Variants in XRRA1 observed in about 807,000 individuals in gnomAD.
XRRA1 encodes X-ray radiation resistance-associated protein 1.
In XRRA1, 69 loss-of-function variants were observed where a neutral mutation model predicts 80.2. That is an observed-to-expected ratio of 0.86 (90% CI 0.71 to 1.05). XRRA1 has a LOEUF of 1.05. Among genes scored for constraint, XRRA1 ranks in the 50% least tolerant of loss-of-function variants. The pLI, the probability that XRRA1 is intolerant of heterozygous loss-of-function variation, is 0.00. For missense variants in XRRA1, 967 were observed against 976.4 expected, an observed-to-expected ratio of 0.99 and a Z score of 0.13; for synonymous variants, 348 against 389.9, an observed-to-expected ratio of 0.89 and a Z score of 1.27.
In XRRA1 at chr11:74,851,211, C is replaced by T. The variant is rs914761117; in HGVS notation, c.1265-8G>A. 1.1e-5 allele frequency: 18 copies of T among 1,595,454 alleles called. No individual in the cohort carries two copies. Among genetic ancestry groups the T allele is most frequent in the Non-Finnish European group, 1.5e-5 (18 of 1,171,156 alleles). On this transcript the variant is annotated splice_region_variant and splice_polypyrimidine_tract_variant and intron_variant, in intron 13 of 18. Coordinates refer to ENST00000684022, the MANE Select transcript of XRRA1 (RefSeq NM_001378157.1). ...TCAGCAGTGGAGGGACCCCTGGTGC[C>T]ATGATGGGAAAATAAGATTACTATT...
At chr11:74,894,471 C>T (rs1029880277) in intron 10 of XRRA1, among the ~76,000 whole-genome samples, 1 of 152,192 alleles carries the variant, frequency 6.6e-6, no homozygotes, top group African/African-American at 2.4e-5. Context: ...AAAATTGACT[C>T]ACAGTTCTGT....
In XRRA1 at chr11:74,843,218, G is replaced by A. The variant is rs1440160555; in HGVS notation, c.2385C>T (p.Ala795=). 6 of 1,558,074 alleles carry A rather than the reference G, an allele frequency of 3.9e-6. No individual in the cohort carries two copies. Among genetic ancestry groups the A allele is most frequent in the Non-Finnish European group, 4.3e-6 (5 of 1,150,992 alleles). Reference sequence around the variant, plus strand: ...CACAGCTCTAGCCTTGTGAGTCACTGGCTGTGGGCTCCTGGCAGAACTCAT... The same window carrying A: ...CACAGCTCTAGCCTTGTGAGTCACTAGCTGTGGGCTCCTGGCAGAACTCAT... ...FMDEFCQEPT[A]SDSQG Residue 795 remains alanine, a synonymous_variant, in exon 19 of 19, where the codon GCC becomes GCT. Transcript: ENST00000684022.
intron 10 of XRRA1, among the ~76,000 whole-genome samples, chr11:74,897,165 C>G (rs2052520016): frequency 6.6e-6 from 1 of 151,904 alleles, no homozygotes; most frequent in South Asian, 2.1e-4. Context: ...ATAAATTTAA[C>G]AAACAGATCG....
chr11:74,947,178 G>C (rs1947748465), intron 1 of XRRA1, among the ~76,000 whole-genome samples: 1 of 152,220 alleles, frequency 6.6e-6, no homozygotes, highest in South Asian at 2.1e-4. Context: ...GAAAGAAGAA[G>C]CAAGTATCAG....
intron 5 of XRRA1, among the ~76,000 whole-genome samples, chr11:74,930,691 T>C (rs1293919494): frequency 2.0e-5 from 3 of 152,208 alleles, no homozygotes; most frequent in Non-Finnish European, 4.4e-5. Flanking sequence ...AAGAAAATAT[T>C]ATATAGGGTG....
At chr11:74,904,586 A>G (rs2054190275) in intron 10 of XRRA1, among the ~76,000 whole-genome samples, 1 of 152,140 alleles carries the variant, frequency 6.6e-6, no homozygotes, top group Admixed American at 6.5e-5. Context: ...AAGAAAAAAA[A>G]GAAAAAGCAT....
intron 10 of XRRA1, among the ~76,000 whole-genome samples, chr11:74,898,230 A>G (rs922612561): frequency 3.9e-5 from 6 of 152,202 alleles, no homozygotes; most frequent in Non-Finnish European, 7.4e-5. Context: ...AGTATTTGCA[A>G]GCCTTATGGC....
At chr11:74,908,891 C>T (rs2055230321) in intron 8 of XRRA1, among the ~76,000 whole-genome samples, 1 of 152,120 alleles carries the variant, frequency 6.6e-6, no homozygotes, top group Non-Finnish European at 1.5e-5. Context: ...CCATGTTTCC[C>T]ATCATGAGGT....
In XRRA1 at chr11:74,949,032, C is replaced by T. The variant is rs998064134; in HGVS notation, c.-177G>A. ...CCCCGGGGATCTCGGAGCCGCTCCACTGCGGTGCCTGCCGCTATCTTCCCC... is the reference window on the plus strand; with the variant it reads ...CCCCGGGGATCTCGGAGCCGCTCCATTGCGGTGCCTGCCGCTATCTTCCCC... On this transcript the variant is annotated 5_prime_UTR_variant, in exon 1 of 19. It adds an upstream start codon to the 5' untranslated region. Transcript: ENST00000684022. 11 of 375,186 alleles carry T rather than the reference C, an allele frequency of 2.9e-5. No individual in the cohort carries two copies. The highest frequency in any genetic ancestry group is 5.4e-5 in the Non-Finnish European group (11 of 204,072). 23.2% of individuals were successfully genotyped at this position (375,186 alleles called of 1,614,324 possible).
chr11:74,879,715 G>A (rs2047009723), intron 10 of XRRA1, among the ~76,000 whole-genome samples: 1 of 148,934 alleles, frequency 6.7e-6, no homozygotes, highest in South Asian at 2.2e-4. Flanking sequence ...TGCATCTGTT[G>A]AGATAATCAT....
At chr11:74,848,534 A>G in intron 14 of XRRA1, 72 bp from the exon 15 acceptor site, 1 of 1,386,296 alleles carries the variant, frequency 7.2e-7, no homozygotes, top group Non-Finnish European at 9.8e-7. Flanking sequence ...TCACTAGCCT[A>G]AGGCCACTTG....
intron 10 of XRRA1, among the ~76,000 whole-genome samples, chr11:74,890,123 T>A (rs1353492042): frequency 6.6e-6 from 1 of 152,186 alleles, no homozygotes; most frequent in Non-Finnish European, 1.5e-5. Flanking sequence ...ACACCACACT[T>A]ATTTCAAAAT....
chr11:74,907,253 A>G lies in XRRA1; in HGVS notation c.677T>C (p.Leu226Pro). 1.2e-6 allele frequency: 2 copies of G among 1,613,932 alleles called. No individual in the cohort carries two copies. The highest frequency in any genetic ancestry group is 1.7e-6 in the Non-Finnish European group (2 of 1,179,858). The change falls in exon 9 of 19, where the codon CTG becomes CCG. Residue 226 changes from leucine (L) to proline (P), a missense_variant. Physicochemically the swap from Leu to Pro is moderately conservative, Grantham distance 98. Coordinates refer to ENST00000684022, the MANE Select transcript of XRRA1 (RefSeq NM_001378157.1). ...VAEQEASVTSLTSKRYILRFP... is the reference protein window; with the variant it reads ...VAEQEASVTSPTSKRYILRFP... Reference sequence around the variant, plus strand: ...CCTCAGGATGTACCTCTTGCTTGTCAGCGATGTTACAGATGCCTCCCTGTG... The same window carrying G: ...CCTCAGGATGTACCTCTTGCTTGTCGGCGATGTTACAGATGCCTCCCTGTG...
chr11:74,906,570 G>C (rs2054650784), intron 9 of XRRA1, 114 bp from the exon 10 acceptor site: 1 of 1,188,510 alleles, frequency 8.4e-7, no homozygotes, highest in Non-Finnish European at 1.2e-6. Flanking sequence ...TATTCCTCTT[G>C]TGTGACGTTG....
intron 4 of XRRA1, among the ~76,000 whole-genome samples, chr11:74,935,656 G>A (rs1305913131): frequency 6.6e-6 from 1 of 152,184 alleles, no homozygotes; most frequent in African/African-American, 2.4e-5. Context: ...CCAACAGAGA[G>A]AGTAAAGTAG....
intron 12 of XRRA1, among the ~76,000 whole-genome samples, chr11:74,854,264 G>C (rs79535845): frequency 0.048 from 7,319 of 152,248 alleles, 293 homozygotes; most frequent in South Asian, 0.2. Flanking sequence ...TTGAGTCACT[G>C]TTCATGGGCC....
At chr11:74,874,233 CAAAAAAAAAAAAAAAA>C (rs367875228) in intron 10 of XRRA1, among the ~76,000 whole-genome samples, 9 of 48,292 alleles carry the variant, frequency 1.9e-4, no homozygotes, top group East Asian at 1.3e-3. Flanking sequence ...GACTCCGTCT[CAAAAAAAAAAAAAAAA>C]AAAAAAAAAA....
At chr11:74,946,007 G>A (rs1591689524) in intron 1 of XRRA1, among the ~76,000 whole-genome samples, 5 of 151,808 alleles carry the variant, frequency 3.3e-5, no homozygotes, top group Admixed American at 2.6e-4. Flanking sequence ...CTGTTACCCA[G>A]GCTGGAGTGC....
intron 4 of XRRA1, among the ~76,000 whole-genome samples, chr11:74,936,581 T>C (rs1367403129): frequency 3.3e-5 from 5 of 152,248 alleles, no homozygotes; most frequent in Admixed American, 2.0e-4. Context: ...ATCAGCCATT[T>C]ACTAGCTGTG....
Sources: gnomAD v4.1 joint callset for allele counts (sites outside exome capture counted in the v4.1 genomes callset) on GRCh38, gnomAD v4.1.1 for gene constraint, MANE v1.5 for transcripts, NCBI Gene and HGNC (gene_info 2026-07-23, HGNC 2026-07-21) for gene names.